WDPCP: variants seen among roughly 807,000 people sequenced by gnomAD.
WDPCP encodes the protein WD repeat containing planar cell polarity effector, also known as WD repeat-containing and planar cell polarity effector protein fritz homolog.
In WDPCP, 71 loss-of-function variants were observed where a neutral mutation model predicts 93.1. The ratio of observed to expected loss-of-function variants is 0.76; its 90% CI spans 0.63 to 0.93. The LOEUF (loss-of-function observed/expected upper bound fraction) is 0.93, where lower values mean the gene tolerates loss of function less well. Ranked by LOEUF, WDPCP falls within the 40% of genes least tolerant of loss-of-function variation. The probability of loss-of-function intolerance (pLI) is 0.00; values close to 1 mark genes in which losing one functional copy is unlikely to be tolerated. For synonymous variants in WDPCP, 315 were observed against 315.0 expected (o/e 1.00, Z 0.00); for missense variants, 844 against 887.4 (o/e 0.95, Z 0.62).
intron 17 of WDPCP, among the ~76,000 whole-genome samples, chr2:63,123,530 C>T (rs1308777979): frequency 2.0e-5 from 3 of 151,852 alleles, no homozygotes; most frequent in Non-Finnish European, 4.4e-5. Flanking sequence ...AAAAACAAAA[C>T]AAAAAATATT....
rs544758802 is a variant in WDPCP at position 63,363,509 on chromosome 2, G to A, written c.1748+14877C>T. Among the ~76,000 whole-genome samples the A allele has an allele frequency of 5.9e-5, 9 of 152,116 alleles. No individual in the cohort carries two copies. In the South Asian group the frequency reaches 6.2e-4, roughly 11 times the overall value. ...GCTACTCGGGAGGCTAAGGTGGGAC[G>A]ACTGATTGAGCCTGAGAGGTTGAGG... On this transcript the variant is annotated intron_variant, in intron 12 of 17. Transcript: ENST00000272321.
intron 17 of WDPCP, among the ~76,000 whole-genome samples, chr2:63,148,341 T>C (rs1201958479): frequency 6.6e-6 from 1 of 151,882 alleles, no homozygotes; most frequent in Non-Finnish European, 1.5e-5. Context: ...AAAAAAAAGT[T>C]TTTCATTTTT....
chr2:63,327,571 T>C (rs1219847098), intron 12 of WDPCP, among the ~76,000 whole-genome samples: 1 of 152,148 alleles, frequency 6.6e-6, no homozygotes, highest in Non-Finnish European at 1.5e-5. Context: ...AAAGGAGGAC[T>C]TTGCACATTC....
At chr2:63,404,022 C>T (rs1261587331) in intron 10 of WDPCP, 26 bp downstream of exon 10, 6 of 1,613,462 alleles carry the variant, frequency 3.7e-6, no homozygotes, top group South Asian at 1.1e-5. Flanking sequence ...TTTTAATTTA[C>T]TTACTCATCA....
chr2:63,272,619 A>G (rs1233654126), intron 13 of WDPCP, among the ~76,000 whole-genome samples: 1 of 152,252 alleles, frequency 6.6e-6, no homozygotes, highest in Non-Finnish European at 1.5e-5. Flanking sequence ...CCGAATGAGA[A>G]ATTCAACAGA....
At chr2:63,403,829 A>G (rs1694336237) in intron 10 of WDPCP, 2 of 587,496 alleles carry the variant, frequency 3.4e-6, no homozygotes, top group Non-Finnish European at 2.9e-6. Flanking sequence ...AAGCATCATG[A>G]TTGACAATTA....
chr2:63,636,606 T>C (rs761609970), intron 3 of WDPCP, among the ~76,000 whole-genome samples: 1 of 152,124 alleles, frequency 6.6e-6, no homozygotes, highest in Non-Finnish European at 1.5e-5. Flanking sequence ...GGCTAATCTT[T>C]TTTCACTTTT....
chr2:63,604,933 G>A (rs1709499259), intron 3 of WDPCP: 2 of 1,554,426 alleles, frequency 1.3e-6, no homozygotes, highest in Non-Finnish European at 1.8e-6. Context: ...GAGACTCTTA[G>A]GACAGAAAAC....
chr2:63,198,763 C>A (rs1181193875), intron 14 of WDPCP, among the ~76,000 whole-genome samples: 2 of 152,094 alleles, frequency 1.3e-5, no homozygotes, highest in Non-Finnish European at 2.9e-5. Context: ...AGGACTAATA[C>A]AGAAAAGTGG....
At chr2:63,815,522 A>C (rs1670920653) in intron 1 of WDPCP, among the ~76,000 whole-genome samples, 1 of 152,200 alleles carries the variant, frequency 6.6e-6, no homozygotes, top group Non-Finnish European at 1.5e-5. Flanking sequence ...CTGGGCCTAG[A>C]GTTGTGAGAT....
intron 12 of WDPCP, among the ~76,000 whole-genome samples, chr2:63,324,992 A>T (rs1363794641): frequency 5.9e-5 from 9 of 152,204 alleles, no homozygotes; most frequent in Non-Finnish European, 1.2e-4. Context: ...ATTCTAAAAG[A>T]TAAGTTTATT....
chr2:63,350,477 A>C (rs1219321313), intron 12 of WDPCP, among the ~76,000 whole-genome samples: 28 of 26,752 alleles, frequency 1.0e-3, no homozygotes, highest in South Asian at 7.0e-3. Context: ...AACGAAACCC[A>C]AAAAAAAAAA....
intron 2 of WDPCP, among the ~76,000 whole-genome samples, chr2:63,746,161 CT>C (rs1669793676): frequency 6.6e-6 from 1 of 152,150 alleles, no homozygotes; most frequent in Non-Finnish European, 1.5e-5. Flanking sequence ...CAAATTAATA[CT>C]TTTATAATTT....
chr2:63,603,243 A>ACCG (rs1194711717), intron 3 of WDPCP, among the ~76,000 whole-genome samples: 1 of 152,160 alleles, frequency 6.6e-6, no homozygotes, highest in African/African-American at 2.4e-5. Context: ...GGTGTGAGCC[A>ACCG]CCGCGCCTGG....
chr2:63,296,306 C>T (rs748819300), intron 13 of WDPCP, among the ~76,000 whole-genome samples: 2 of 151,022 alleles, frequency 1.3e-5, no homozygotes, highest in Non-Finnish European at 2.9e-5. Context: ...AAAATAAAAA[C>T]GGCCATCTAT....
intron 2 of WDPCP, among the ~76,000 whole-genome samples, chr2:63,705,241 A>G (rs191188652): frequency 4.7e-4 from 72 of 152,288 alleles, no homozygotes; most frequent in African/African-American, 1.7e-3. Flanking sequence ...AATCTTTTCA[A>G]AAAAGCAGCT....
At chr2:63,557,872 T>C (rs566320749) in intron 1 of WDPCP, among the ~76,000 whole-genome samples, 1 of 152,212 alleles carries the variant, frequency 6.6e-6, no homozygotes, top group East Asian at 1.9e-4. Flanking sequence ...ACATGGAAAT[T>C]GAACAACCTC....
intron 2 of WDPCP, among the ~76,000 whole-genome samples, chr2:63,714,953 A>C (rs1669313626): frequency 6.6e-6 from 1 of 152,266 alleles, no homozygotes; most frequent in African/African-American, 2.4e-5. Context: ...ACCAATTGTG[A>C]TATATGTATA....
At chr2:63,505,364 C>A (rs187569721) in intron 1 of WDPCP, among the ~76,000 whole-genome samples, 1 of 152,056 alleles carries the variant, frequency 6.6e-6, no homozygotes, top group East Asian at 1.9e-4. Context: ...CCACCAAGGT[C>A]CCCTGAGAAG....
Sources: allele counts gnomAD v4.1 joint callset (sites outside exome capture counted in the v4.1 genomes callset), GRCh38; gene constraint gnomAD v4.1.1; transcripts MANE v1.5; gene names NCBI Gene and HGNC (gene_info 2026-07-23, HGNC 2026-07-21).